Variants in NAALADL2 observed in about 807,000 individuals in gnomAD.
NAALADL2 encodes N-acetylated alpha-linked acidic dipeptidase like 2.
A neutral mutation model predicts 87.2 loss-of-function variants in NAALADL2; 76 were observed. The ratio of observed to expected loss-of-function variants is 0.87; its 90% CI spans 0.72 to 1.05. The LOEUF (loss-of-function observed/expected upper bound fraction) is 1.05. Ranked by LOEUF, NAALADL2 falls within the 50% of genes least tolerant of loss-of-function variation. The pLI is 0.00. For missense variants in NAALADL2, 1,089 were observed against 945.8 expected, an observed-to-expected ratio of 1.15 and a Z score of -1.99; for synonymous variants, 354 against 331.0, an observed-to-expected ratio of 1.07 and a Z score of -0.75.
At chr3:174,633,319 A>G (rs113077214) in intron 2 of NAALADL2, among the ~76,000 whole-genome samples, 4 of 152,332 alleles carry the variant, frequency 2.6e-5, no homozygotes, top group African/African-American at 9.6e-5. Context: ...GGATACAGAA[A>G]CTGATAAAGC....
intron 1 of NAALADL2, among the ~76,000 whole-genome samples, chr3:175,011,378 T>C (rs1179405210): frequency 1.3e-5 from 2 of 152,000 alleles, no homozygotes; most frequent in African/African-American, 2.4e-5. Context: ...TGTGTAATCA[T>C]TGACCCAGCT....
At chr3:175,663,374 T>C (rs1732535091) in intron 11 of NAALADL2, among the ~76,000 whole-genome samples, 1 of 151,790 alleles carries the variant, frequency 6.6e-6, no homozygotes, top group African/African-American at 2.4e-5. Context: ...TGACAAGCCT[T>C]TTTATTTCTT....
intron 2 of NAALADL2, among the ~76,000 whole-genome samples, chr3:174,635,289 T>A (rs951331536): frequency 1.3e-5 from 2 of 152,228 alleles, no homozygotes; most frequent in Non-Finnish European, 1.5e-5. Flanking sequence ...ACTTAATCAT[T>A]ACATGGATTT....
chr3:174,832,587 G>A (rs536687667), intron 3 of NAALADL2, among the ~76,000 whole-genome samples: 10 of 151,818 alleles, frequency 6.6e-5, no homozygotes, highest in Non-Finnish European at 1.3e-4. Flanking sequence ...TCAGCCTCCC[G>A]AGTAGCTGAG....
intron 9 of NAALADL2, among the ~76,000 whole-genome samples, chr3:175,474,566 T>A (rs1407538370): frequency 6.6e-6 from 1 of 152,136 alleles, no homozygotes; most frequent in African/African-American, 2.4e-5. Context: ...TACAGTAAGA[T>A]TCTCCATTCT....
At chr3:175,066,686 T>G (rs73038492) in intron 1 of NAALADL2, among the ~76,000 whole-genome samples, 1 of 152,090 alleles carries the variant, frequency 6.6e-6, no homozygotes, top group South Asian at 2.1e-4. Context: ...GTCTTGCATT[T>G]AGAGTTTAAT....
chr3:175,718,287 G>A lies in NAALADL2; in HGVS notation c.1897-19019G>A, dbSNP rs188371985. ...GAGTTTCATATTTTCTTTAGACATC[G>A]TTAGGCGCCGAAGCTCTTGCAGGAC... On this transcript the variant is annotated intron_variant, in intron 11 of 13. Coordinates refer to ENST00000454872, the MANE Select transcript of NAALADL2 (RefSeq NM_207015.3). 4.9e-4 allele frequency: 686 copies of A among 1,411,824 alleles called. 5 individuals carry two copies. The East Asian group carries it at 0.02, about 40-fold the overall frequency. The allele number at this position is 1,411,824 out of a possible 1,614,324, so 87.5% of individuals were successfully genotyped here.
chr3:175,674,093 C>A (rs79202554), intron 11 of NAALADL2, among the ~76,000 whole-genome samples: 3,089 of 152,152 alleles, frequency 0.02, 116 homozygotes, highest in African/African-American at 0.071. Context: ...CATTCATTAA[C>A]TCCCTGCTTC....
At chr3:175,246,692 T>G (rs1748047136) in intron 3 of NAALADL2, among the ~76,000 whole-genome samples, 1 of 152,178 alleles carries the variant, frequency 6.6e-6, no homozygotes, top group African/African-American at 2.4e-5. Flanking sequence ...AATTCTGCTT[T>G]TCTTTTAATT....
In NAALADL2 at chr3:175,233,906, A is replaced by G. The variant is rs113186459; in HGVS notation, c.546-25A>G. ...AATAAAGTATTCTCCTTTTTAAAAAAGTTTTCTTTTCAAATTTATTTCAGA... is the reference window on the plus strand; with the variant it reads ...AATAAAGTATTCTCCTTTTTAAAAAGGTTTTCTTTTCAAATTTATTTCAGA... On this transcript the variant is annotated intron_variant, in intron 2 of 13. Coordinates refer to ENST00000454872, the MANE Select transcript of NAALADL2 (RefSeq NM_207015.3). 2.3e-3 allele frequency: 3,194 copies of G among 1,389,140 alleles called. 53 individuals carry two copies. The African/African-American group carries it at 0.04, about 18-fold the overall frequency. The allele number at this position is 1,389,140 out of a possible 1,614,324, so 86.1% of individuals were successfully genotyped here. A position where few individuals can be genotyped will look rare whatever the true frequency, so the allele number is the denominator to read the frequency against.
At chr3:174,765,246 G>T (rs887215879) in intron 3 of NAALADL2, among the ~76,000 whole-genome samples, 5 of 151,980 alleles carry the variant, frequency 3.3e-5, no homozygotes, top group Non-Finnish European at 5.9e-5. Context: ...ATTAGCTACT[G>T]CACCAAATTG....
intron 1 of NAALADL2, among the ~76,000 whole-genome samples, chr3:174,492,226 C>T (rs1345819947): frequency 6.7e-6 from 1 of 150,304 alleles, no homozygotes; most frequent in Non-Finnish European, 1.5e-5. Flanking sequence ...GCCAAGATCG[C>T]ATCATTGCAC....
intron 5 of NAALADL2, among the ~76,000 whole-genome samples, chr3:175,446,988 A>G (rs1213754955): frequency 6.6e-6 from 1 of 152,150 alleles, no homozygotes; most frequent in African/African-American, 2.4e-5. Flanking sequence ...CAATGGAGGT[A>G]AGTGCATATG....
intron 1 of NAALADL2, among the ~76,000 whole-genome samples, chr3:174,954,509 GA>G (rs1457811525): frequency 3.3e-5 from 5 of 151,954 alleles, no homozygotes; most frequent in African/African-American, 1.2e-4. Flanking sequence ...AATAGTTGAG[GA>G]GGTAGAGCCA....
chr3:175,791,893 C>G (rs1752826876), intron 13 of NAALADL2, among the ~76,000 whole-genome samples: 1 of 141,136 alleles, frequency 7.1e-6, no homozygotes, highest in Non-Finnish European at 1.5e-5. Context: ...GTGGAATTTG[C>G]TTTTAGAGTT....
intron 1 of NAALADL2, among the ~76,000 whole-genome samples, chr3:175,058,716 G>T (rs1712772621): frequency 6.6e-6 from 1 of 152,136 alleles, no homozygotes; most frequent in South Asian, 2.1e-4. Flanking sequence ...AAAAGAGGTG[G>T]AATTACAATA....
intron 2 of NAALADL2, among the ~76,000 whole-genome samples, chr3:175,105,706 T>G (rs531190579): frequency 6.6e-6 from 1 of 151,266 alleles, no homozygotes; most frequent in South Asian, 2.1e-4. Flanking sequence ...TTAAACAAAT[T>G]TTATCTATGT....
chr3:174,702,281 AGTAT>A (rs1729628005), intron 2 of NAALADL2, among the ~76,000 whole-genome samples: 2 of 152,204 alleles, frequency 1.3e-5, no homozygotes, highest in Admixed American at 1.3e-4. Context: ...ATGGTGGCTT[AGTAT>A]CAGATATTAC....
intron 9 of NAALADL2, among the ~76,000 whole-genome samples, chr3:175,511,230 A>G (rs149286466): frequency 2.8e-3 from 419 of 152,320 alleles, no homozygotes; most frequent in Middle Eastern, 0.01. Context: ...AGAGACTAAG[A>G]GCCAATGTCA....
Sources: gnomAD v4.1 joint callset for allele counts (sites outside exome capture counted in the v4.1 genomes callset) on GRCh38, gnomAD v4.1.1 for gene constraint, MANE v1.5 for transcripts, NCBI Gene and HGNC (gene_info 2026-07-23, HGNC 2026-07-21) for gene names.